TMCC1: variants seen among roughly 807,000 people sequenced by gnomAD.
TMCC1 encodes the protein transmembrane and coiled-coil domains protein 1.
TMCC1 carries 15 observed loss-of-function variants against 52.4 expected under a neutral mutation model. The observed-to-expected ratio is 0.29, with a 90% CI of 0.19 to 0.44. The LOEUF is 0.44. Ranked by LOEUF, TMCC1 falls within the 20% of genes least tolerant of loss-of-function variation. The probability of loss-of-function intolerance (pLI) is 1.00; values close to 1 mark genes in which losing one functional copy is unlikely to be tolerated. For missense variants in TMCC1, 503 were observed against 806.0 expected (o/e 0.62, Z 4.55); for synonymous variants, 279 against 301.9 (o/e 0.92, Z 0.79).
At chr3:129,767,112 T>C (rs2054187673) in intron 4 of TMCC1, among the ~76,000 whole-genome samples, 1 of 151,774 alleles carries the variant, frequency 6.6e-6, no homozygotes, top group African/African-American at 2.4e-5. Flanking sequence ...AATACAAAGA[T>C]TAGCAGGGCA....
chr3:129,861,947 C>T (rs574661430), intron 2 of TMCC1, among the ~76,000 whole-genome samples: 1 of 152,064 alleles, frequency 6.6e-6, no homozygotes, highest in African/African-American at 2.4e-5. Context: ...AAAAATGGAA[C>T]CAATGTAAAT....
intron 4 of TMCC1, among the ~76,000 whole-genome samples, chr3:129,774,817 G>T (rs148437996): frequency 2.4e-3 from 366 of 152,220 alleles, no homozygotes; most frequent in African/African-American, 5.6e-3. Flanking sequence ...GGGGAGCAAG[G>T]GTGTGAATGG....
At chr3:129,659,871 C>T (rs2086907690) in intron 5 of TMCC1, among the ~76,000 whole-genome samples, 1 of 152,150 alleles carries the variant, frequency 6.6e-6, no homozygotes, top group Non-Finnish European at 1.5e-5. Context: ...CTTGGGTGAT[C>T]CTTTTCATCC....
intron 4 of TMCC1, among the ~76,000 whole-genome samples, chr3:129,786,587 AG>A (rs1181765947): frequency 2.6e-5 from 4 of 152,328 alleles, no homozygotes; most frequent in Admixed American, 2.0e-4. Flanking sequence ...TCAGGTTCAA[AG>A]GAAGAGCTCC....
chr3:129,681,766 G>C (rs1376845585), intron 4 of TMCC1, among the ~76,000 whole-genome samples: 1 of 151,968 alleles, frequency 6.6e-6, no homozygotes, highest in Non-Finnish European at 1.5e-5. Context: ...AAATTAGCCA[G>C]GCATGGTGGT....
At chr3:129,857,443 C>G (rs764348826) in intron 2 of TMCC1, 11 of 152,142 alleles carry the variant, frequency 7.2e-5, no homozygotes, top group Admixed American at 3.3e-4. Context: ...CAGAAAGAAT[C>G]AATAATTAAA....
chr3:129,653,926 CTAA>C (rs2086511573), intron 6 of TMCC1, among the ~76,000 whole-genome samples: 1 of 152,092 alleles, frequency 6.6e-6, no homozygotes, highest in African/African-American at 2.4e-5. Flanking sequence ...ATTAATGAGT[CTAA>C]TGTTTAGAAT....
At chr3:129,764,757 GTATATATATATATATA>G (rs869170594) in intron 4 of TMCC1, among the ~76,000 whole-genome samples, 2 of 73,416 alleles carry the variant, frequency 2.7e-5, no homozygotes, top group African/African-American at 9.9e-5. Context: ...GTGTGTGTGT[GTATATATATATATATA>G]TATATATATA....
intron 4 of TMCC1, among the ~76,000 whole-genome samples, chr3:129,769,929 C>A (rs545584404): frequency 4.6e-5 from 7 of 152,286 alleles, no homozygotes; most frequent in African/African-American, 1.4e-4. Flanking sequence ...TTTGTCTACC[C>A]TTTCCTTTAG....
chr3:129,765,787 A>C (rs2054076126), intron 4 of TMCC1, among the ~76,000 whole-genome samples: 1 of 152,086 alleles, frequency 6.6e-6, no homozygotes, highest in African/African-American at 2.4e-5. Context: ...GTATCCAACT[A>C]ATTATCCTAA....
chr3:129,697,512 T>C lies in TMCC1; in HGVS notation c.577-26248A>G, dbSNP rs1255703881. Among the ~76,000 whole-genome samples, 7 of 152,142 alleles carry C rather than the reference T, an allele frequency of 4.6e-5. No homozygotes were observed. The South Asian group carries it at 1.0e-3, about 23-fold the overall frequency. ...AGGTCTGTGACATGCCCTGGAGACA[T>C]TTTCCCCATTGTCTTGGTGATTAAC... On this transcript the variant is annotated intron_variant, in intron 4 of 6. Transcript: ENST00000393238.
intron 4 of TMCC1, among the ~76,000 whole-genome samples, chr3:129,679,923 T>C (rs994882230): frequency 2.6e-5 from 4 of 152,212 alleles, no homozygotes; most frequent in African/African-American, 7.2e-5. Context: ...AGTGTTTCCA[T>C]TTATTGTATC....
chr3:129,698,403 G>T (rs1214405829), intron 4 of TMCC1, among the ~76,000 whole-genome samples: 3 of 152,140 alleles, frequency 2.0e-5, no homozygotes, highest in Non-Finnish European at 4.4e-5. Context: ...GACACATGGG[G>T]ATTATGGGAA....
intron 4 of TMCC1, among the ~76,000 whole-genome samples, chr3:129,776,244 TGAGAA>T (rs1163867314): frequency 6.6e-6 from 1 of 152,236 alleles, no homozygotes; most frequent in Non-Finnish European, 1.5e-5. Flanking sequence ...GTAAGTTCTA[TGAGAA>T]GAGAAATCTT....
rs1560639843 is a variant in TMCC1 at position 129,893,681 on chromosome 3, C to T, written c.-622G>A. On this transcript the variant is annotated 5_prime_UTR_variant, in exon 1 of 7. Coordinates refer to ENST00000393238, the MANE Select transcript of TMCC1 (RefSeq NM_001017395.5). ...CCGCCACCGCCGCCGCCGCCTCAGC[C>T]CCGGCGCGGGAGGGCGAACCGGCGC... 3 of 151,054 alleles carry T rather than the reference C, an allele frequency of 2.0e-5. No homozygotes were observed. The highest frequency in any genetic ancestry group is 7.3e-5 in the African/African-American group (3 of 41,154). The allele number at this position is 151,054 out of a possible 1,614,324, so 9.4% of individuals were successfully genotyped here.
intron 4 of TMCC1, among the ~76,000 whole-genome samples, chr3:129,760,771 C>A (rs1246753301): frequency 1.3e-5 from 2 of 151,362 alleles, no homozygotes; most frequent in African/African-American, 4.9e-5. Flanking sequence ...GCCACCGCAC[C>A]CGGCTAATTT....
At chr3:129,826,264 G>A (rs147312422) in intron 4 of TMCC1, among the ~76,000 whole-genome samples, 1 of 151,818 alleles carries the variant, frequency 6.6e-6, no homozygotes, top group East Asian at 1.9e-4. Context: ...CACTTTGGGA[G>A]GCTGAGGTGG....
chr3:129,753,609 A>G (rs1019700761), intron 4 of TMCC1, among the ~76,000 whole-genome samples: 3 of 152,212 alleles, frequency 2.0e-5, no homozygotes, highest in African/African-American at 7.2e-5. Flanking sequence ...ACCAGATGTT[A>G]TATCAATAGA....
intron 4 of TMCC1, among the ~76,000 whole-genome samples, chr3:129,756,648 C>G (rs544817678): frequency 1.3e-5 from 2 of 150,818 alleles, no homozygotes; most frequent in Admixed American, 1.3e-4. Flanking sequence ...CCACCCACCT[C>G]GGCCTCCCAA....
Sources: allele counts gnomAD v4.1 joint callset (sites outside exome capture counted in the v4.1 genomes callset), GRCh38; gene constraint gnomAD v4.1.1; transcripts MANE v1.5; gene names NCBI Gene and HGNC (gene_info 2026-07-23, HGNC 2026-07-21).